Variants in TPRX1 observed in about 807,000 individuals in gnomAD.
TPRX1 encodes the protein tetrapeptide repeat homeobox 1, also known as tetra-peptide repeat homeobox protein 1.
TPRX1 carries 2 observed loss-of-function variants against 8.1 expected under a neutral mutation model. That is an observed-to-expected ratio of 0.25 (90% CI 0.10 to 0.78). The LOEUF is 0.78. TPRX1 is among the 30% of genes least tolerant of loss of function. The probability of loss-of-function intolerance (pLI) is 0.70; values close to 1 mark genes in which losing one functional copy is unlikely to be tolerated. For synonymous variants in TPRX1, 257 were observed against 254.1 expected (o/e 1.01, Z -0.11); for missense variants, 517 against 586.9 (o/e 0.88, Z 1.23).
intron 2 of TPRX1, among the ~76,000 whole-genome samples, chr19:47,812,784 C>T (rs983213090): frequency 2.0e-5 from 3 of 151,642 alleles, no homozygotes; most frequent in African/African-American, 4.8e-5. Flanking sequence ...GAGACTCCAT[C>T]TCAAAAAAAC....
At chr19:47,811,496 CTTTTT>C (rs34677329) in intron 2 of TPRX1, among the ~76,000 whole-genome samples, 3 of 118,518 alleles carry the variant, frequency 2.5e-5, no homozygotes, top group Non-Finnish European at 5.2e-5. Flanking sequence ...TTCATGGCAA[CTTTTT>C]TTTTTTTTTT....
At chr19:47,816,555 T>C (rs1465804917) in intron 2 of TPRX1, among the ~76,000 whole-genome samples, 13 of 131,012 alleles carry the variant, frequency 9.9e-5, no homozygotes, top group Non-Finnish European at 1.6e-5. Context: ...TTTTTTGAGA[T>C]GGAGTCTCAC....
intron 2 of TPRX1, chr19:47,818,392 A>ATCCATCCATCCATCCC: frequency 2.4e-6 from 1 of 413,524 alleles, no homozygotes; most frequent in Non-Finnish European, 4.8e-6. Flanking sequence ...CCATCCCTCC[A>ATCCATCCATCCATCCC]TCCATCCATC....
chr19:47,812,421 A>C (rs912027795), intron 2 of TPRX1, among the ~76,000 whole-genome samples: 1 of 151,614 alleles, frequency 6.6e-6, no homozygotes, highest in Admixed American at 6.6e-5. Context: ...ACATAGCGAG[A>C]TCTTGTCTCT....
intron 2 of TPRX1, among the ~76,000 whole-genome samples, chr19:47,811,304 G>A (rs1377844816): frequency 6.6e-6 from 1 of 150,780 alleles, no homozygotes; most frequent in Non-Finnish European, 1.5e-5. Flanking sequence ...GCACCTGGCC[G>A]GCCCTGAGTT....
chr19:47,807,887 C>G (rs1967748657), intron 2 of TPRX1, among the ~76,000 whole-genome samples: 1 of 151,874 alleles, frequency 6.6e-6, no homozygotes, highest in African/African-American at 2.4e-5. Flanking sequence ...GAAATTGACT[C>G]TGTGACATCT....
At chr19:47,810,254 CAAAA>C (rs767070353) in intron 2 of TPRX1, among the ~76,000 whole-genome samples, 5 of 21,392 alleles carry the variant, frequency 2.3e-4, no homozygotes, top group African/African-American at 8.4e-4. Context: ...GACTCCATCT[CAAAA>C]AAAAAAAAAA....
chr19:47,809,694 T>A (rs533040447), intron 2 of TPRX1, among the ~76,000 whole-genome samples: 1 of 152,178 alleles, frequency 6.6e-6, no homozygotes, highest in African/African-American at 2.4e-5. Context: ...TATTTTTTAA[T>A]GGACAACCTG....
chr19:47,814,717 G>T (rs532462738), intron 2 of TPRX1, among the ~76,000 whole-genome samples: 1 of 152,160 alleles, frequency 6.6e-6, no homozygotes, highest in African/African-American at 2.4e-5. Context: ...AGAGTCCTGG[G>T]GTCTACCTCT....
chr19:47,804,726 C>G (rs1376704119), intron 2 of TPRX1, among the ~76,000 whole-genome samples, 175 bp from the exon 1 acceptor site: 1 of 152,186 alleles, frequency 6.6e-6, no homozygotes, highest in Non-Finnish European at 1.5e-5. Flanking sequence ...CAGGTACTGC[C>G]TGCTGAGCTG....
rs1568617280 is a variant in TPRX1 at position 47,815,117 on chromosome 19, T to TATATATATATATATATATGCAA, written c.151+3350_151+3351insTTGCATATATATATATATATAT. ...CTTAGCTCAATAAATAGATAAATTA[T>TATATATATATATATATATGCAA]ATATATATATATATATATATATATA... On this transcript the variant is annotated intron_variant, in intron 2 of 3. Transcript: ENST00000535759. Among the ~76,000 whole-genome samples the TATATATATATATATATATGCAA allele has an allele frequency of 2.8e-4, 20 of 70,882 alleles. 2 individuals carry two copies. Among genetic ancestry groups the TATATATATATATATATATGCAA allele is most frequent in the East Asian group, 2.6e-3 (9 of 3,412 alleles). 46.5% of individuals were successfully genotyped at this position (70,882 alleles called of 152,430 possible). A position where few individuals can be genotyped will look rare whatever the true frequency, so the allele number is the denominator to read the frequency against.
chr19:47,807,982 G>T (rs1967749586), intron 2 of TPRX1, among the ~76,000 whole-genome samples: 1 of 152,072 alleles, frequency 6.6e-6, no homozygotes, highest in Non-Finnish European at 1.5e-5. Context: ...AGATTGGAGT[G>T]CAGTGGAGTC....
chr19:47,802,157 C>G, exon 4 of TPRX1: 1 of 1,598,994 alleles, frequency 6.3e-7, no homozygotes, highest in Non-Finnish European at 8.5e-7. Context: ...TAAGATGGGA[C>G]CTGGGCCTTG....
At chr19:47,803,238 G>C (rs375155632) in intron 3 of TPRX1, among the ~76,000 whole-genome samples, 3,355 of 151,602 alleles carry the variant, frequency 0.022, 53 homozygotes, top group African/African-American at 0.031. Context: ...GGGAGGGTTC[G>C]AGGGGAGGGA....
chr19:47,804,617 C>T (rs1967717285), intron 2 of TPRX1, among the ~76,000 whole-genome samples, 66 bp from the exon 1 acceptor site: 1 of 152,122 alleles, frequency 6.6e-6, no homozygotes, highest in Non-Finnish European at 1.5e-5. Flanking sequence ...CTGCTGTGCC[C>T]ACCCTGGCCC....
rs372269986 is a variant in TPRX1 at position 47,814,708 on chromosome 19, G to A, written c.151+3760C>T. Among the ~76,000 whole-genome samples the A allele has an allele frequency of 2.6e-5, 4 of 152,282 alleles. No individual in the cohort carries two copies. The East Asian group carries it at 7.8e-4, about 30-fold the overall frequency. ...GTCTGAACTGCAAGGAATCTTTGCA[G>A]AGTCCTGGGGTCTACCTCTGATGTG... On this transcript the variant is annotated intron_variant, in intron 2 of 3. Coordinates refer to ENST00000535759, the Ensembl canonical transcript of TPRX1.
intron 2 of TPRX1, among the ~76,000 whole-genome samples, chr19:47,816,456 G>A (rs1216169018): frequency 6.6e-6 from 1 of 151,152 alleles, no homozygotes; most frequent in Admixed American, 6.6e-5. Flanking sequence ...TCACTATGTT[G>A]CCCAGGCTGG....
chr19:47,816,451 A>T (rs1260579517), intron 2 of TPRX1, among the ~76,000 whole-genome samples: 1 of 141,224 alleles, frequency 7.1e-6, no homozygotes, highest in East Asian at 2.2e-4. Context: ...GGGTCTCACT[A>T]TGTTGCCCAG....
rs67178361 is a variant in TPRX1 at position 47,818,278 on chromosome 19, TCAC to T, written c.151+187_151+189del. Among the ~76,000 whole-genome samples the T allele has an allele frequency of 1.4e-4, 14 of 98,648 alleles. No homozygotes were observed. In the South Asian group the frequency reaches 2.7e-3, roughly 19 times the overall value. The allele number at this position is 98,648 out of a possible 152,430, so 64.7% of individuals were successfully genotyped here. A position where few individuals can be genotyped will look rare whatever the true frequency, so the allele number is the denominator to read the frequency against. ...ATCCATCCATCCATCCATCCATCCA[TCAC>T]CCATCCATCCATCCATCCACCCATC... On this transcript the variant is annotated intron_variant, in intron 2 of 3. Coordinates refer to ENST00000535759, the Ensembl canonical transcript of TPRX1.
Sources: gnomAD v4.1 joint callset for allele counts (sites outside exome capture counted in the v4.1 genomes callset) on GRCh38, gnomAD v4.1.1 for gene constraint, MANE v1.5 for transcripts, NCBI Gene and HGNC (gene_info 2026-07-23, HGNC 2026-07-21) for gene names.